RTF2: variants seen among roughly 807,000 people sequenced by gnomAD.
The protein encoded by RTF2 is UPF0549 protein C20orf43.
RTF2 carries 18 observed loss-of-function variants against 38.0 expected under a neutral mutation model. The observed-to-expected ratio is 0.47, with a 90% CI of 0.33 to 0.70. The LOEUF (loss-of-function observed/expected upper bound fraction) is 0.70. Among genes scored for constraint, RTF2 ranks in the 30% least tolerant of loss-of-function variants. RTF2 has a pLI of 0.02. For missense variants in RTF2, 311 were observed against 379.6 expected (o/e 0.82, Z 1.50); for synonymous variants, 126 against 137.1 (o/e 0.92, Z 0.57).
chr20:56,480,346 T>G (rs1431694227), intron 4 of RTF2, among the ~76,000 whole-genome samples: 1 of 152,214 alleles, frequency 6.6e-6, no homozygotes, highest in Non-Finnish European at 1.5e-5. Flanking sequence ...TCTGTCAGCC[T>G]TCATAGAATT....
intron 5 of RTF2, among the ~76,000 whole-genome samples, chr20:56,508,226 G>T (rs969322811): frequency 1.1e-4 from 17 of 152,228 alleles, no homozygotes; most frequent in Non-Finnish European, 2.1e-4. Flanking sequence ...GGGCTGAGGA[G>T]AGTCAGCAAA....
At chr20:56,506,375 G>T (rs565685135) in intron 5 of RTF2, among the ~76,000 whole-genome samples, 1 of 152,148 alleles carries the variant, frequency 6.6e-6, no homozygotes, top group Non-Finnish European at 1.5e-5. Context: ...ACCATGTCTC[G>T]GAAGTGGAAT....
chr20:56,470,700 GGGA>G (rs1332034803), intron 1 of RTF2: 13 of 455,824 alleles, frequency 2.9e-5, no homozygotes, highest in African/African-American at 2.0e-4. Context: ...CCATCCTTCA[GGGA>G]GGAGAAGAGG....
Position 56,477,030 on chromosome 20 carries a change from G to C in RTF2, c.304G>C (p.Asp102His). 1 of 1,614,102 alleles carries C rather than the reference G, an allele frequency of 6.2e-7. No homozygotes were observed. Among genetic ancestry groups the C allele is most frequent in the South Asian group, 1.1e-5 (1 of 91,084 alleles). The part of the protein sequence containing the change: ...KLSDNPAWEG[D>H]KGNTKGDKHD... The stretch of plus-strand genomic sequence containing the variant: ...TTCTGATAATCCTGCCTGGGAAGGG[G>C]ATAAAGGAAACACTAAAGGTGACAA... Residue 102 changes from aspartate (D) to histidine (H), a missense_variant, in exon 4 of 9, where the codon GAT (aspartate) becomes CAT (histidine). Physicochemically the swap from Asp to His is moderately conservative, Grantham distance 81 (BLOSUM62 -1). Coordinates refer to ENST00000357348, the MANE Select transcript of RTF2 (RefSeq NM_016407.5).
intron 5 of RTF2, among the ~76,000 whole-genome samples, chr20:56,511,957 C>T (rs1364823416): frequency 1.3e-5 from 2 of 152,126 alleles, no homozygotes; most frequent in African/African-American, 4.8e-5. Context: ...CTCAGCCTCC[C>T]GAGTAGCTGG....
chr20:56,491,340 T>C (rs1983111589), intron 5 of RTF2, among the ~76,000 whole-genome samples: 1 of 152,194 alleles, frequency 6.6e-6, no homozygotes. Flanking sequence ...TTGCTATATG[T>C]CACCAGTGGT....
chr20:56,495,413 G>T, intron 5 of RTF2: 1 of 812,790 alleles, frequency 1.2e-6, no homozygotes, highest in Non-Finnish European at 2.0e-6. Flanking sequence ...AATGAGAAAA[G>T]TAGAGGGGAA....
chr20:56,514,741 T>C (rs1156997160), intron 6 of RTF2, among the ~76,000 whole-genome samples: 1 of 152,220 alleles, frequency 6.6e-6, no homozygotes, highest in Non-Finnish European at 1.5e-5. Context: ...TCTCCCTTCA[T>C]CGTTTTACTT....
chr20:56,469,880 C>T (rs73913936), intron 1 of RTF2, among the ~76,000 whole-genome samples: 331 of 152,352 alleles, frequency 2.2e-3, no homozygotes, highest in African/African-American at 7.7e-3. Context: ...AAATACTCTT[C>T]ACTGAGATTG....
At chr20:56,490,305 TTTAA>T (rs1350648957) in intron 5 of RTF2, among the ~76,000 whole-genome samples, 1 of 152,232 alleles carries the variant, frequency 6.6e-6, no homozygotes, top group Non-Finnish European at 1.5e-5. Context: ...TGTTGTGCTG[TTTAA>T]TTGTCACGCA....
chr20:56,475,130 C>T lies in RTF2; in HGVS notation c.258+359C>T, dbSNP rs985679265. ...AATTTTATGGATCACTGTTAAATCA[C>T]GTGGCTACCATCTGGTGATTAGAGG... On this transcript the variant is annotated intron_variant, in intron 3 of 8. Coordinates refer to ENST00000357348, the MANE Select transcript of RTF2 (RefSeq NM_016407.5). Among the ~76,000 whole-genome samples the T allele has an allele frequency of 8.5e-5, 13 of 152,204 alleles. No homozygotes were observed. In the East Asian group the frequency reaches 9.6e-4, roughly 11 times the overall value.
intron 5 of RTF2, among the ~76,000 whole-genome samples, chr20:56,507,268 G>C (rs974376714): frequency 1.3e-5 from 2 of 152,018 alleles, no homozygotes; most frequent in African/African-American, 4.8e-5. Flanking sequence ...CCCTACCCTT[G>C]TTTTCCCTCA....
At chr20:56,472,268 T>C in intron 1 of RTF2, 1 of 982,204 alleles carries the variant, frequency 1.0e-6, no homozygotes, top group Non-Finnish European at 1.5e-6. Context: ...TTTTGTCTTC[T>C]TTTTTTCTTT....
At chr20:56,497,300 A>G in intron 5 of RTF2, 1 of 1,551,156 alleles carries the variant, frequency 6.4e-7, no homozygotes, top group African/African-American at 1.4e-5. Context: ...CCTCTTCTGC[A>G]GACAGGGGTC....
At chr20:56,484,646 T>A (rs1982693979) in intron 5 of RTF2, among the ~76,000 whole-genome samples, 1 of 152,248 alleles carries the variant, frequency 6.6e-6, no homozygotes. Flanking sequence ...CTTGTTCATC[T>A]CTTTATCCGC....
chr20:56,480,043 G>A (rs560791878), intron 4 of RTF2, among the ~76,000 whole-genome samples: 1 of 152,162 alleles, frequency 6.6e-6, no homozygotes, highest in South Asian at 2.1e-4. Context: ...AGTGAGAGTC[G>A]GCCTGTCCTG....
intron 5 of RTF2, among the ~76,000 whole-genome samples, chr20:56,489,155 A>G (rs1982953298): frequency 6.6e-6 from 1 of 151,714 alleles, no homozygotes. Context: ...TCCCAGGTTC[A>G]AGTGATTCTC....
intron 1 of RTF2, chr20:56,471,585 A>G (rs1177081632): frequency 6.6e-6 from 1 of 152,318 alleles, no homozygotes; most frequent in Non-Finnish European, 1.5e-5. Context: ...AACAAAACAA[A>G]ACAAAACCAC....
Position 56,468,657 on chromosome 20 carries a change from A to T in RTF2, c.-41A>T, listed in dbSNP as rs570155384. The T allele has an allele frequency of 1.8e-5, 28 of 1,537,016 alleles. No homozygotes were observed. In the South Asian group the frequency reaches 2.9e-4, roughly 16 times the overall value. The stretch of plus-strand genomic sequence containing the variant: ...TTTCGCCGGAAATCCCGGAAGTGAC[A>T]GCTTTGGGGGTTTGCTGCTGGCTCT... On this transcript the variant is annotated 5_prime_UTR_variant, in exon 1 of 9. Transcript: ENST00000357348.
Sources: allele counts gnomAD v4.1 joint callset (sites outside exome capture counted in the v4.1 genomes callset), GRCh38; gene constraint gnomAD v4.1.1; transcripts MANE v1.5; gene names NCBI Gene and HGNC (gene_info 2026-07-23, HGNC 2026-07-21).